PPARGC1A: variants seen among roughly 807,000 people sequenced by gnomAD.
PPARGC1A encodes PPARG coactivator 1 alpha, also known as peroxisome proliferator-activated receptor gamma coactivator 1-alpha.
A neutral mutation model predicts 88.7 loss-of-function variants in PPARGC1A; 25 were observed. That is an observed-to-expected ratio of 0.28 (90% confidence interval 0.21 to 0.39). PPARGC1A has a LOEUF of 0.39. PPARGC1A is among the 10% of genes least tolerant of loss of function. The pLI, the probability that PPARGC1A is intolerant of heterozygous loss-of-function variation, is 1.00. For missense variants in PPARGC1A, 880 were observed against 968.7 expected, an observed-to-expected ratio of 0.91 and a Z score of 1.22; for synonymous variants, 363 against 355.6, an observed-to-expected ratio of 1.02 and a Z score of -0.24.
At chr4:24,249,349 G>C in the PPARGC1A span, among the ~76,000 whole-genome samples, 1 of 151,988 alleles carries the variant, frequency 6.6e-6, no homozygotes, top group Non-Finnish European at 1.5e-5. Context: ...AAACCAGAAG[G>C]TTTAACCAAT....
the PPARGC1A span, among the ~76,000 whole-genome samples, chr4:24,035,879 T>C: frequency 6.6e-6 from 1 of 152,238 alleles, no homozygotes; most frequent in Non-Finnish European, 1.5e-5. Flanking sequence ...TAGAAGTTAC[T>C]ATTCATAAGC....
At chr4:23,926,814 C>T in the PPARGC1A span, among the ~76,000 whole-genome samples, 1 of 152,214 alleles carries the variant, frequency 6.6e-6, no homozygotes, top group Non-Finnish European at 1.5e-5. Flanking sequence ...CTGGTGTACT[C>T]ATCTACTACT....
chr4:24,156,376 T>TC, the PPARGC1A span, among the ~76,000 whole-genome samples: 3 of 152,022 alleles, frequency 2.0e-5, no homozygotes, highest in African/African-American at 7.2e-5. Context: ...TTTTTTTTTT[T>TC]CTTACTAAAG....
At chr4:24,437,788 C>A in the PPARGC1A span, among the ~76,000 whole-genome samples, 1 of 151,910 alleles carries the variant, frequency 6.6e-6, no homozygotes. Context: ...TACAGGCACC[C>A]ACCACCACAT....
chr4:23,966,565 A>G, the PPARGC1A span, among the ~76,000 whole-genome samples: 4 of 152,180 alleles, frequency 2.6e-5, no homozygotes, highest in Non-Finnish European at 5.9e-5. Flanking sequence ...TCCACTGATT[A>G]CTTTCTCACC....
chr4:24,227,891 G>C, the PPARGC1A span, among the ~76,000 whole-genome samples: 1 of 152,250 alleles, frequency 6.6e-6, no homozygotes, highest in Admixed American at 6.5e-5. Context: ...GGATTGCCTA[G>C]TGCTTGCAAG....
chr4:24,155,320 C>T, the PPARGC1A span, among the ~76,000 whole-genome samples: 2 of 151,998 alleles, frequency 1.3e-5, no homozygotes, highest in Admixed American at 6.6e-5. Flanking sequence ...CTAACACTCC[C>T]TGTCAAAAAG....
chr4:24,416,706 T>G, the PPARGC1A span, among the ~76,000 whole-genome samples: 15 of 152,234 alleles, frequency 9.9e-5, no homozygotes, highest in East Asian at 2.7e-3. Context: ...GGGAGTCATG[T>G]GTCTGGAAGT....
At chr4:24,052,819 G>T in the PPARGC1A span, among the ~76,000 whole-genome samples, 8 of 144,762 alleles carry the variant, frequency 5.5e-5, no homozygotes, top group Admixed American at 4.9e-4. Flanking sequence ...ATTTATAGAA[G>T]TCATTCCAAG....
the PPARGC1A span, among the ~76,000 whole-genome samples, chr4:23,954,687 A>G: frequency 6.6e-6 from 1 of 152,048 alleles, no homozygotes; most frequent in African/African-American, 2.4e-5. Context: ...TTGTTTCTGC[A>G]AAGTTGTGAA....
At chr4:24,092,855 C>CGA in the PPARGC1A span, among the ~76,000 whole-genome samples, 1 of 152,222 alleles carries the variant, frequency 6.6e-6, no homozygotes, top group African/African-American at 2.4e-5. Context: ...GGTCACTTCT[C>CGA]CATTCTGGTT....
At chr4:23,824,857 C>T (rs1723654108) in intron 5 of PPARGC1A, among the ~76,000 whole-genome samples, 1 of 152,042 alleles carries the variant, frequency 6.6e-6, no homozygotes, top group African/African-American at 2.4e-5. Context: ...AAGAAAACAG[C>T]AGAGCAACTA....
chr4:24,446,587 CT>C, the PPARGC1A span, among the ~76,000 whole-genome samples: 32 of 149,810 alleles, frequency 2.1e-4, no homozygotes, highest in African/African-American at 7.3e-4. Context: ...GTGGAAAACA[CT>C]GAATTTTTTT....
At chr4:24,308,822 A>T in the PPARGC1A span, among the ~76,000 whole-genome samples, 1 of 152,306 alleles carries the variant, frequency 6.6e-6, no homozygotes, top group East Asian at 1.9e-4. Flanking sequence ...AGATAAAAAC[A>T]ACTGGGTCCC....
chr4:23,812,266 C>A (rs1453017759), intron 10 of PPARGC1A, among the ~76,000 whole-genome samples: 3 of 152,028 alleles, frequency 2.0e-5, no homozygotes, highest in Non-Finnish European at 2.9e-5. Flanking sequence ...TTCTTAGCAA[C>A]TCTTCCTCCA....
chr4:24,140,087 T>A, the PPARGC1A span, among the ~76,000 whole-genome samples: 1 of 152,104 alleles, frequency 6.6e-6, no homozygotes, highest in African/African-American at 2.4e-5. Context: ...AGAGGGTTGC[T>A]CGGTCGAGAG....
At chr4:24,435,723 A>G in the PPARGC1A span, among the ~76,000 whole-genome samples, 1 of 152,156 alleles carries the variant, frequency 6.6e-6, no homozygotes, top group Admixed American at 6.5e-5. Flanking sequence ...GTTTACAACC[A>G]CCCCACTAAG....
chr4:24,049,143 TGTGTGTGTGA>T, the PPARGC1A span, among the ~76,000 whole-genome samples: 1 of 150,384 alleles, frequency 6.6e-6, no homozygotes, highest in African/African-American at 2.4e-5. Context: ...TGTGCGTATG[TGTGTGTGTGA>T]GTGTGTGTAA....
the PPARGC1A span, among the ~76,000 whole-genome samples, chr4:24,127,522 A>G: frequency 6.6e-6 from 1 of 151,668 alleles, no homozygotes; most frequent in South Asian, 2.1e-4. Flanking sequence ...CATATGATTA[A>G]CTTTATATAT....
Sources: gnomAD v4.1 joint callset for allele counts (sites outside exome capture counted in the v4.1 genomes callset) on GRCh38, gnomAD v4.1.1 for gene constraint, MANE v1.5 for transcripts, NCBI Gene and HGNC (gene_info 2026-07-23, HGNC 2026-07-21) for gene names.